The following AKAP6 variants were observed in gnomAD, a reference collection of about 807,000 sequenced individuals.
AKAP6 encodes A-kinase anchor protein 6.
Under a neutral mutation model 188.5 loss-of-function variants are expected in AKAP6, and 58 were observed. That is an observed-to-expected ratio of 0.31 (90% CI 0.25 to 0.38). The LOEUF (loss-of-function observed/expected upper bound fraction) is 0.38. Ranked by LOEUF, AKAP6 falls within the 10% of genes least tolerant of loss-of-function variation. AKAP6 has a pLI of 1.00. For synonymous variants in AKAP6, 989 were observed against 998.6 expected, an observed-to-expected ratio of 0.99 and a Z score of 0.18; for missense variants, 2,710 against 2,740.0, an observed-to-expected ratio of 0.99 and a Z score of 0.24.
intron 9 of AKAP6, among the ~76,000 whole-genome samples, chr14:32,720,704 T>C (rs995340636): frequency 2.0e-5 from 3 of 152,170 alleles, no homozygotes; most frequent in Non-Finnish European, 2.9e-5. Flanking sequence ...TTGTGCTGAG[T>C]GCAGTGGCAT....
rs1440400650 is a variant in AKAP6, at chr14:32,464,990, C to A, written c.324+31173C>A. 2.0e-5 allele frequency among the ~76,000 whole-genome samples: 3 copies of A among 152,192 alleles called. No homozygotes were observed. The South Asian group carries it at 6.2e-4, about 32-fold the overall frequency. On this transcript the variant is annotated intron_variant, in intron 2 of 13. Coordinates refer to ENST00000280979, the MANE Select transcript of AKAP6 (RefSeq NM_004274.5). Reference sequence around the variant, plus strand: ...ATCACGAGTGAACTCCCATTCACAACTGCTACAAAGAGAATAAAATACCAA... The same window carrying A: ...ATCACGAGTGAACTCCCATTCACAAATGCTACAAAGAGAATAAAATACCAA...
intron 2 of AKAP6, among the ~76,000 whole-genome samples, chr14:32,506,578 C>T (rs868393317): frequency 4.5e-4 from 68 of 152,092 alleles, no homozygotes; most frequent in African/African-American, 1.6e-3. Context: ...TGTCATGGCT[C>T]ACACCTGTAA....
intron 12 of AKAP6, among the ~76,000 whole-genome samples, chr14:32,796,348 G>A (rs1396124249): frequency 6.6e-6 from 1 of 152,146 alleles, no homozygotes; most frequent in African/African-American, 2.4e-5. Context: ...GAACAAAGCT[G>A]GGGGCATCAT....
chr14:32,597,952 T>C (rs1885772668), intron 5 of AKAP6, among the ~76,000 whole-genome samples: 1 of 152,002 alleles, frequency 6.6e-6, no homozygotes, highest in African/African-American at 2.4e-5. Context: ...GACTCACCAC[T>C]GACCACCCAG....
In AKAP6 at chr14:32,535,590, A is replaced by G. The variant is rs1386904426; in HGVS notation, c.361A>G (p.Ile121Val). 2 of 1,614,050 alleles carry G rather than the reference A, an allele frequency of 1.2e-6. No homozygotes were observed. Among genetic ancestry groups the G allele is most frequent in the Admixed American group, 3.3e-5 (2 of 60,018 alleles). The change falls in exon 3 of 14, where the codon ATC (isoleucine) becomes GTC (valine). Residue 121 changes from isoleucine (I) to valine (V), a missense_variant. This residue lies in a region of AKAP6 where 237 missense variants were observed against 313.9 expected (regional missense o/e 0.76). Coordinates refer to ENST00000280979, the MANE Select transcript of AKAP6 (RefSeq NM_004274.5). Reference protein sequence around the residue: ...CEDISDHVEQIHALLETEFSL... With the variant: ...CEDISDHVEQVHALLETEFSL... The stretch of plus-strand genomic sequence containing the variant: ...AGATATTTCTGATCATGTTGAGCAA[A>G]TCCATGCCCTCCTTGAAACAGAGTT...
chr14:32,689,224 A>G (rs1566648394), intron 8 of AKAP6, among the ~76,000 whole-genome samples: 3 of 152,176 alleles, frequency 2.0e-5, no homozygotes, highest in South Asian at 2.1e-4. Context: ...ACTTCCTGAT[A>G]GTGTAACAGA....
At chr14:32,521,544 C>G (rs1264233917) in intron 2 of AKAP6, among the ~76,000 whole-genome samples, 1 of 152,152 alleles carries the variant, frequency 6.6e-6, no homozygotes, top group African/African-American at 2.4e-5. Flanking sequence ...ACACCACTAA[C>G]AGACAAACAG....
At chr14:32,341,906 G>A (rs1003230587) in intron 1 of AKAP6, among the ~76,000 whole-genome samples, 1 of 152,146 alleles carries the variant, frequency 6.6e-6, no homozygotes, top group African/African-American at 2.4e-5. Context: ...CAGCTACTAG[G>A]GAGGCTGAGG....
At chr14:32,527,993 G>A (rs557403315) in intron 2 of AKAP6, among the ~76,000 whole-genome samples, 1 of 152,106 alleles carries the variant, frequency 6.6e-6, no homozygotes, top group South Asian at 2.1e-4. Flanking sequence ...TGTGCCTTTG[G>A]TGTTGTATCT....
chr14:32,791,004 T>G (rs2033591442), intron 12 of AKAP6, among the ~76,000 whole-genome samples: 1 of 152,232 alleles, frequency 6.6e-6, no homozygotes, highest in Non-Finnish European at 1.5e-5. Context: ...ACATTTTATT[T>G]ATCCAGTCTA....
chr14:32,677,397 T>A (rs1889478359), intron 7 of AKAP6, among the ~76,000 whole-genome samples: 1 of 152,164 alleles, frequency 6.6e-6, no homozygotes, highest in African/African-American at 2.4e-5. Context: ...AATTGTAAAG[T>A]AGAGATTTCA....
chr14:32,803,412 A>G (rs934723549), intron 12 of AKAP6, among the ~76,000 whole-genome samples: 1 of 152,218 alleles, frequency 6.6e-6, no homozygotes, highest in African/African-American at 2.4e-5. Flanking sequence ...GTTATTAAGA[A>G]TAATTTTTAT....
At chr14:32,561,211 G>A (rs1222818286) in intron 4 of AKAP6, among the ~76,000 whole-genome samples, 1 of 151,910 alleles carries the variant, frequency 6.6e-6, no homozygotes, top group African/African-American at 2.4e-5. Context: ...AGAGCAAAGG[G>A]GTCATTGTAA....
At chr14:32,748,798 G>A (rs2032013044) in intron 11 of AKAP6, among the ~76,000 whole-genome samples, 1 of 152,134 alleles carries the variant, frequency 6.6e-6, no homozygotes, top group African/African-American at 2.4e-5. Context: ...TTCACTTTCA[G>A]GCTACTTTTC....
Position 32,823,806 on chromosome 14 carries a change from A to G in AKAP6, c.5993A>G (p.Asp1998Gly), listed in dbSNP as rs2034598535. 1.2e-6 allele frequency: 2 copies of G among 1,613,536 alleles called. No homozygotes were observed. The change falls in exon 13 of 14, where the codon GAC becomes GGC. Residue 1998 changes from aspartate (D) to glycine (G), a missense_variant. Transcript: ENST00000280979. ...ALETRFNNRQ[D>G]SDALKSSDDA... ...GAAACCAGGTTTAACAACAGACAAG[A>G]CTCTGATGCACTGAAATCATCTGAT...
chr14:32,597,556 A>G (rs2139340570), intron 5 of AKAP6, among the ~76,000 whole-genome samples: 1 of 152,308 alleles, frequency 6.6e-6, no homozygotes, highest in Non-Finnish European at 1.5e-5. Flanking sequence ...TTTCATAGGT[A>G]ATATATAGTT....
rs55882211 is a variant in AKAP6, at chr14:32,432,957, T to C, written c.-34-503T>C. On this transcript the variant is annotated intron_variant, in intron 1 of 13. Coordinates refer to ENST00000280979, the MANE Select transcript of AKAP6 (RefSeq NM_004274.5). ...CGCAAAGGCCTCTCTGGGTCTGAGT[T>C]GCCAGCTGCTCTAGCCATCAAGTCC... Among the ~76,000 whole-genome samples, 919 of 152,224 alleles carry C rather than the reference T, an allele frequency of 6.0e-3. 4 individuals are homozygous for C. The highest frequency in any genetic ancestry group is 1.0e-2 in the Non-Finnish European group (678 of 68,004).
At chr14:32,707,220 A>G (rs555296512) in intron 9 of AKAP6, among the ~76,000 whole-genome samples, 1 of 152,268 alleles carries the variant, frequency 6.6e-6, no homozygotes, top group African/African-American at 2.4e-5. Context: ...TTGAATTTGA[A>G]TGAAACCAGA....
intron 8 of AKAP6, among the ~76,000 whole-genome samples, chr14:32,678,725 G>A (rs944323038): frequency 4.6e-5 from 7 of 152,078 alleles, no homozygotes; most frequent in Admixed American, 1.3e-4. Context: ...TTGTGACTAC[G>A]ATGTGCCTTT....
Sources: allele counts gnomAD v4.1 joint callset (sites outside exome capture counted in the v4.1 genomes callset), GRCh38; gene constraint gnomAD v4.1.1; regional missense constraint gnomAD v4.1.1; transcripts MANE v1.5; gene names NCBI Gene and HGNC (gene_info 2026-07-23, HGNC 2026-07-21).